EFCAB11: variants seen among roughly 807,000 people sequenced by gnomAD.
The protein encoded by EFCAB11 is EF-hand calcium-binding domain-containing protein 11.
Under a neutral mutation model 23.0 loss-of-function variants are expected in EFCAB11, and 14 were observed. The observed-to-expected ratio is 0.61, with a 90% CI of 0.40 to 0.95. The LOEUF (loss-of-function observed/expected upper bound fraction) is 0.95, where lower values mean the gene tolerates loss of function less well. EFCAB11 is among the 40% of genes least tolerant of loss of function. The pLI is 0.00. For missense variants in EFCAB11, 198 were observed against 195.8 expected (o/e 1.01, Z -0.07); for synonymous variants, 65 against 66.6 (o/e 0.98, Z 0.11).
chr14:89,871,171 G>T (rs1414954083), intron 5 of EFCAB11, among the ~76,000 whole-genome samples: 1 of 152,100 alleles, frequency 6.6e-6, no homozygotes, highest in African/African-American at 2.4e-5. Flanking sequence ...TCTGAAGTTG[G>T]CAGACAAGAG....
At chr14:89,923,707 T>C (rs1890092626) in intron 5 of EFCAB11, 4 of 985,452 alleles carry the variant, frequency 4.1e-6, no homozygotes, top group Non-Finnish European at 4.8e-6. Context: ...AATTAGGTAC[T>C]CATTTTAATA....
rs1040019381 is a variant in EFCAB11 at position 89,945,920 on chromosome 14, T to A, written c.217+4177A>T. Among the ~76,000 whole-genome samples, 7 of 148,158 alleles carry A rather than the reference T, an allele frequency of 4.7e-5. No homozygotes were observed. The South Asian group carries it at 6.3e-4, about 13-fold the overall frequency. Reference sequence around the variant, plus strand: ...ATTTCCATTATTAGGGGATTTTTTTTTTTTATTTTTTTTTTTGAGACAGAG... The same window carrying A: ...ATTTCCATTATTAGGGGATTTTTTTATTTTATTTTTTTTTTTGAGACAGAG... On this transcript the variant is annotated intron_variant, in intron 3 of 5. Coordinates refer to ENST00000316738, the MANE Select transcript of EFCAB11 (RefSeq NM_145231.4).
intron 5 of EFCAB11, among the ~76,000 whole-genome samples, chr14:89,871,341 T>A (rs573664167): frequency 2.6e-5 from 4 of 152,298 alleles, no homozygotes; most frequent in African/African-American, 9.6e-5. Context: ...AATATAGGCA[T>A]CTGTCTATAT....
chr14:89,945,924 TA>T lies in EFCAB11; in HGVS notation c.217+4172del, dbSNP rs372117116. Reference sequence around the variant, plus strand: ...CCATTATTAGGGGATTTTTTTTTTTTATTTTTTTTTTTGAGACAGAGTCTTG... The same window carrying T: ...CCATTATTAGGGGATTTTTTTTTTTTTTTTTTTTTTTGAGACAGAGTCTTG... On this transcript the variant is annotated intron_variant, in intron 3 of 5. Coordinates refer to ENST00000316738, the MANE Select transcript of EFCAB11 (RefSeq NM_145231.4). 2.1e-3 allele frequency among the ~76,000 whole-genome samples: 304 copies of T among 147,684 alleles called. 2 individuals are homozygous for T. Among genetic ancestry groups the T allele is most frequent in the African/African-American group, 7.2e-3 (274 of 37,858 alleles).
intron 5 of EFCAB11, among the ~76,000 whole-genome samples, chr14:89,929,534 T>C (rs1357181565): frequency 1.3e-5 from 2 of 152,108 alleles, no homozygotes; most frequent in East Asian, 1.9e-4. Context: ...CTACAGCGCA[T>C]GCCACCATGC....
intron 5 of EFCAB11, among the ~76,000 whole-genome samples, chr14:89,805,408 T>C (rs534327505): frequency 2.6e-5 from 4 of 152,308 alleles, no homozygotes; most frequent in African/African-American, 7.2e-5. Flanking sequence ...TGGTAAAGAA[T>C]TGGTACAAAC....
chr14:89,819,482 T>C (rs905476031), intron 5 of EFCAB11, among the ~76,000 whole-genome samples: 3 of 152,098 alleles, frequency 2.0e-5, no homozygotes, highest in African/African-American at 7.2e-5. Flanking sequence ...TGCAGTTGCA[T>C]GGTCACAGCT....
chr14:89,853,689 T>C (rs146525344), intron 5 of EFCAB11, among the ~76,000 whole-genome samples: 3 of 152,334 alleles, frequency 2.0e-5, no homozygotes, highest in Admixed American at 1.3e-4. Flanking sequence ...TTGTTTTCTA[T>C]GGCATCATAC....
At chr14:89,862,226 G>T (rs1887946780) in intron 5 of EFCAB11, among the ~76,000 whole-genome samples, 1 of 152,150 alleles carries the variant, frequency 6.6e-6, no homozygotes, top group Admixed American at 6.5e-5. Flanking sequence ...AAGATGGAAA[G>T]AAAATAGAAA....
intron 5 of EFCAB11, among the ~76,000 whole-genome samples, chr14:89,925,472 T>A (rs999012341): frequency 3.9e-5 from 6 of 152,162 alleles, no homozygotes; most frequent in Non-Finnish European, 5.9e-5. Context: ...TTATCTAACA[T>A]TAATTCTATA....
chr14:89,954,262 G>T, intron 1 of EFCAB11: 2 of 1,345,648 alleles, frequency 1.5e-6, no homozygotes, highest in Non-Finnish European at 2.1e-6. Context: ...AGGCCACTGA[G>T]ATAAATTCTA....
At chr14:89,892,340 G>A (rs1447490002) in intron 5 of EFCAB11, 8 of 1,613,816 alleles carry the variant, frequency 5.0e-6, no homozygotes, top group African/African-American at 4.0e-5. Flanking sequence ...GCAGCAGGGG[G>A]ACATCAAGCT....
intron 3 of EFCAB11, among the ~76,000 whole-genome samples, chr14:89,949,117 ATAAC>A (rs1462931609): frequency 2.0e-5 from 3 of 152,198 alleles, no homozygotes; most frequent in African/African-American, 4.8e-5. Flanking sequence ...ACATTTTAAA[ATAAC>A]TAAGAGTGTA....
chr14:89,813,519 TG>T (rs768912050), intron 5 of EFCAB11, among the ~76,000 whole-genome samples: 15 of 152,194 alleles, frequency 9.9e-5, no homozygotes, highest in African/African-American at 1.4e-4. Flanking sequence ...TTGTTTGGTT[TG>T]TTTTTTTGTT....
chr14:89,909,174 T>A (rs1224627602), intron 5 of EFCAB11, among the ~76,000 whole-genome samples: 2 of 152,156 alleles, frequency 1.3e-5, no homozygotes, highest in Non-Finnish European at 2.9e-5. Context: ...ACTGTGGAGT[T>A]AAAGAGAAGG....
At chr14:89,854,322 G>A (rs1353417438) in intron 5 of EFCAB11, among the ~76,000 whole-genome samples, 4 of 152,106 alleles carry the variant, frequency 2.6e-5, no homozygotes, top group African/African-American at 9.7e-5. Flanking sequence ...GAGCTGGGCA[G>A]AGAGAGGTGC....
chr14:89,921,932 T>C (rs2096060293), intron 5 of EFCAB11, among the ~76,000 whole-genome samples: 1 of 152,216 alleles, frequency 6.6e-6, no homozygotes, highest in Non-Finnish European at 1.5e-5. Context: ...AAATTCCACC[T>C]AGAAGTTAGC....
chr14:89,798,996 C>T (rs201683912), intron 5 of EFCAB11, among the ~76,000 whole-genome samples: 1 of 152,120 alleles, frequency 6.6e-6, no homozygotes, highest in East Asian at 1.9e-4. Context: ...ACTATGTTGG[C>T]GAGGCTGGTC....
At chr14:89,819,655 T>A (rs746840956) in intron 5 of EFCAB11, among the ~76,000 whole-genome samples, 11 of 152,126 alleles carry the variant, frequency 7.2e-5, no homozygotes, top group Non-Finnish European at 1.5e-4. Context: ...CAGGCTGGTC[T>A]TGAAGTCCTG....
Sources: gnomAD v4.1 joint callset for allele counts (sites outside exome capture counted in the v4.1 genomes callset) on GRCh38, gnomAD v4.1.1 for gene constraint, MANE v1.5 for transcripts, NCBI Gene and HGNC (gene_info 2026-07-23, HGNC 2026-07-21) for gene names.